RPIA: variants seen among roughly 807,000 people sequenced by gnomAD.
The protein encoded by RPIA is ribose 5-phosphate isomerase A.
In RPIA, 29 loss-of-function variants were observed where a neutral mutation model predicts 37.8. The observed-to-expected ratio is 0.77, with a 90% CI of 0.57 to 1.05. The LOEUF (loss-of-function observed/expected upper bound fraction) is 1.05, where lower values mean the gene tolerates loss of function less well. RPIA is among the 50% of genes least tolerant of loss of function. The pLI is 0.00. For synonymous variants in RPIA, 167 were observed against 157.0 expected (o/e 1.06, Z -0.48); for missense variants, 385 against 413.6 (o/e 0.93, Z 0.60).
intron 3 of RPIA, among the ~76,000 whole-genome samples, chr2:88,709,051 C>T (rs1341909875): frequency 4.6e-5 from 7 of 152,194 alleles, no homozygotes; most frequent in East Asian, 3.9e-4. Context: ...CCACCGCGCC[C>T]GGCCAGCCAG....
At chr2:88,693,057 T>C (rs1676965249) in intron 1 of RPIA, among the ~76,000 whole-genome samples, 1 of 152,208 alleles carries the variant, frequency 6.6e-6, no homozygotes, top group East Asian at 1.9e-4. Context: ...ACAGAGATAA[T>C]GTAAAATGTG....
chr2:88,722,406 C>G (rs766840691), intron 3 of RPIA, among the ~76,000 whole-genome samples: 1 of 152,038 alleles, frequency 6.6e-6, no homozygotes, highest in Non-Finnish European at 1.5e-5. Context: ...AGTATTTATC[C>G]CATTACATTT....
chr2:88,700,590 G>C (rs895400202), intron 3 of RPIA, among the ~76,000 whole-genome samples: 1 of 152,182 alleles, frequency 6.6e-6, no homozygotes, highest in African/African-American at 2.4e-5. Flanking sequence ...GGAGGTCCAA[G>C]CTGCAGTGAG....
intron 3 of RPIA, among the ~76,000 whole-genome samples, chr2:88,727,846 CA>C (rs1673218089): frequency 6.6e-6 from 1 of 152,096 alleles, no homozygotes; most frequent in South Asian, 2.1e-4. Flanking sequence ...TTGATAAGTT[CA>C]AAATCATAAG....
intron 5 of RPIA, 36 bp from the exon 6 acceptor site, chr2:88,735,633 G>A: frequency 6.2e-7 from 1 of 1,603,216 alleles, no homozygotes; most frequent in Non-Finnish European, 8.5e-7. Context: ...TGAGATTTTT[G>A]TCTTACTCCT....
chr2:88,736,515 T>C lies in RPIA; in HGVS notation c.597-20T>C. The C allele has an allele frequency of 6.2e-7, 1 of 1,614,132 alleles. No individual in the cohort carries two copies. Among genetic ancestry groups the C allele is most frequent in the African/African-American group, 1.3e-5 (1 of 75,044 alleles). On this transcript the variant is annotated intron_variant, in intron 6 of 8. Transcript: ENST00000283646. Reference sequence around the variant, plus strand: ...TGAGCTTATTTACTTTTATTGTACTTTCTGACTCCTTCTTTCCAGGAAAGA... The same window carrying C: ...TGAGCTTATTTACTTTTATTGTACTCTCTGACTCCTTCTTTCCAGGAAAGA...
At chr2:88,738,126 AC>A in intron 8 of RPIA, 50 bp downstream of exon 8, 1 of 1,324,088 alleles carries the variant, frequency 7.6e-7, no homozygotes, top group South Asian at 1.2e-5. Context: ...GGCCTTCATA[AC>A]TGGCCCCTAC....
intron 8 of RPIA, among the ~76,000 whole-genome samples, chr2:88,738,770 G>A (rs770520373): frequency 3.7e-4 from 57 of 152,164 alleles, no homozygotes; most frequent in East Asian, 1.9e-4. Context: ...GGTGCTAAAC[G>A]TCTAAAAATA....
At chr2:88,728,668 T>A (rs558564741) in intron 3 of RPIA, among the ~76,000 whole-genome samples, 2 of 152,332 alleles carry the variant, frequency 1.3e-5, no homozygotes, top group South Asian at 4.1e-4. Flanking sequence ...TTGTCACCTT[T>A]TTAAGAAGGT....
Position 88,750,575 on chromosome 2 carries a change from A to T in RPIA, c.*497A>T, listed in dbSNP as rs766209277. ...TTTTTAGTTAGTTTTTATTGTGAGC[A>T]CACATAGTACCTAGTTACATCTTAA... On this transcript the variant is annotated 3_prime_UTR_variant, in exon 9 of 9. Transcript: ENST00000283646. The T allele has an allele frequency of 7.3e-6, 3 of 412,876 alleles. No individual in the cohort carries two copies. The highest frequency in any genetic ancestry group is 1.3e-5 in the Non-Finnish European group (3 of 233,866). 25.6% of individuals were successfully genotyped at this position (412,876 alleles called of 1,614,324 possible). A position where few individuals can be genotyped will look rare whatever the true frequency, so the allele number is the denominator to read the frequency against.
intron 1 of RPIA, among the ~76,000 whole-genome samples, chr2:88,695,697 A>G (rs1672731416): frequency 6.6e-6 from 1 of 152,194 alleles, no homozygotes; most frequent in Admixed American, 6.5e-5. Context: ...TTTACTACAC[A>G]CATTGCCTTC....
chr2:88,725,155 G>A (rs1040436176), intron 3 of RPIA, among the ~76,000 whole-genome samples: 4 of 152,062 alleles, frequency 2.6e-5, no homozygotes, highest in African/African-American at 9.7e-5. Context: ...TACTCTACAC[G>A]CTCCGGAGAC....
intron 3 of RPIA, among the ~76,000 whole-genome samples, chr2:88,709,218 A>C (rs1672933738): frequency 6.6e-6 from 1 of 152,242 alleles, no homozygotes; most frequent in Non-Finnish European, 1.5e-5. Flanking sequence ...ATTTGGAAGG[A>C]GTTCCCCAAG....
At chr2:88,718,437 G>A (rs1243090038) in intron 3 of RPIA, among the ~76,000 whole-genome samples, 1 of 152,164 alleles carries the variant, frequency 6.6e-6, no homozygotes, top group Admixed American at 6.6e-5. Flanking sequence ...GCCGAGCCCA[G>A]CCATTATGGA....
At chr2:88,738,446 G>A (rs1282946295) in intron 8 of RPIA, among the ~76,000 whole-genome samples, 3 of 152,158 alleles carry the variant, frequency 2.0e-5, no homozygotes, top group Non-Finnish European at 4.4e-5. Context: ...CTTAAGTAGC[G>A]GGGAAAATGA....
At chr2:88,708,587 A>G (rs1048700237) in intron 3 of RPIA, among the ~76,000 whole-genome samples, 10 of 152,218 alleles carry the variant, frequency 6.6e-5, no homozygotes, top group Non-Finnish European at 1.0e-4. Flanking sequence ...GCACCTTTCA[A>G]TAAAGTTGGT....
At chr2:88,693,951 C>G (rs1318995790) in intron 1 of RPIA, among the ~76,000 whole-genome samples, 1 of 152,200 alleles carries the variant, frequency 6.6e-6, no homozygotes, top group Non-Finnish European at 1.5e-5. Context: ...TAGCCTCATC[C>G]CTTTGTTCTC....
At chr2:88,721,053 A>G (rs768760794) in intron 3 of RPIA, among the ~76,000 whole-genome samples, 5 of 152,202 alleles carry the variant, frequency 3.3e-5, no homozygotes, top group Non-Finnish European at 7.3e-5. Context: ...GGATGAGTTC[A>G]TGTCCTTTGC....
chr2:88,717,524 T>C (rs1257028449), intron 3 of RPIA, among the ~76,000 whole-genome samples: 1 of 152,104 alleles, frequency 6.6e-6, no homozygotes, highest in Non-Finnish European at 1.5e-5. Context: ...GAGTTTCTGA[T>C]TAGCCTCTCC....
Sources: allele counts gnomAD v4.1 joint callset (sites outside exome capture counted in the v4.1 genomes callset), GRCh38; gene constraint gnomAD v4.1.1; transcripts MANE v1.5; gene names NCBI Gene and HGNC (gene_info 2026-07-23, HGNC 2026-07-21).